NEK11: variants seen among roughly 807,000 people sequenced by gnomAD.
NEK11 encodes serine/threonine-protein kinase Nek11.
NEK11 carries 72 observed loss-of-function variants against 80.7 expected under a neutral mutation model. That is an observed-to-expected ratio of 0.89 (90% CI 0.74 to 1.08). The LOEUF is 1.08. Among genes scored for constraint, NEK11 ranks in the 50% least tolerant of loss-of-function variants. NEK11 has a pLI of 0.00. For synonymous variants in NEK11, 251 were observed against 260.7 expected (o/e 0.96, Z 0.36); for missense variants, 764 against 763.6 (o/e 1.00, Z -0.01).
intron 14 of NEK11, among the ~76,000 whole-genome samples, chr3:131,176,992 A>G (rs1348772791): frequency 1.3e-5 from 2 of 152,224 alleles, no homozygotes; most frequent in Admixed American, 6.5e-5. Context: ...ATAAGTATCA[A>G]TCATAGCTTT....
intron 9 of NEK11, among the ~76,000 whole-genome samples, chr3:131,154,478 C>T (rs1479001430): frequency 6.6e-6 from 1 of 152,114 alleles, no homozygotes; most frequent in Non-Finnish European, 1.5e-5. Flanking sequence ...TCCAGCAGGG[C>T]CAGGATTAGG....
intron 14 of NEK11, among the ~76,000 whole-genome samples, chr3:131,225,180 T>C (rs1432712708): frequency 6.6e-6 from 1 of 152,224 alleles, no homozygotes; most frequent in African/African-American, 2.4e-5. Context: ...TTTTATACTG[T>C]ATTTTTACTG....
chr3:131,169,071 C>A, intron 13 of NEK11, 134 bp downstream of exon 13: 1 of 559,074 alleles, frequency 1.8e-6, no homozygotes, highest in Non-Finnish European at 3.2e-6. Context: ...CAGGAAAAAG[C>A]TTCATTGAGC....
intron 17 of NEK11, among the ~76,000 whole-genome samples, chr3:131,343,631 A>G (rs1275994564): frequency 6.6e-6 from 1 of 152,178 alleles, no homozygotes; most frequent in Non-Finnish European, 1.5e-5. Flanking sequence ...AAACCTAGGA[A>G]GATGCTTCCA....
At chr3:131,130,731 A>G (rs2084281891) in intron 5 of NEK11, among the ~76,000 whole-genome samples, 3 of 152,246 alleles carry the variant, frequency 2.0e-5, no homozygotes, top group African/African-American at 7.2e-5. Context: ...TCAAGTGTTA[A>G]AGCAGCCTTG....
intron 4 of NEK11, among the ~76,000 whole-genome samples, chr3:131,100,129 T>C (rs2149257493): frequency 6.6e-6 from 1 of 152,358 alleles, no homozygotes; most frequent in South Asian, 2.1e-4. Flanking sequence ...TGAGGTATGT[T>C]CCTTTAATGC....
At chr3:131,218,738 G>A (rs1580385522) in intron 14 of NEK11, among the ~76,000 whole-genome samples, 1 of 152,146 alleles carries the variant, frequency 6.6e-6, no homozygotes, top group African/African-American at 2.4e-5. Flanking sequence ...TTCAATGATC[G>A]CCATTCTAAC....
At chr3:131,279,843 A>T (rs899506782) in intron 17 of NEK11, among the ~76,000 whole-genome samples, 7 of 152,158 alleles carry the variant, frequency 4.6e-5, no homozygotes, top group African/African-American at 1.7e-4. Context: ...TCTGGCATTA[A>T]AGTCACAGGC....
intron 15 of NEK11, among the ~76,000 whole-genome samples, chr3:131,239,814 T>TTTCATTCATTCATTCA (rs139825448): frequency 5.1e-4 from 78 of 151,966 alleles, no homozygotes; most frequent in African/African-American, 1.8e-3. Flanking sequence ...GCTAGGTAGC[T>TTTCATTCATTCATTCA]TTCATTCATT....
chr3:131,257,152 A>T (rs1486157356), intron 16 of NEK11, among the ~76,000 whole-genome samples: 1 of 143,642 alleles, frequency 7.0e-6, no homozygotes, highest in East Asian at 2.1e-4. Context: ...TGCCTGGCTA[A>T]TTTTTTTTTT....
chr3:131,242,359 C>T (rs1207507571), intron 15 of NEK11, among the ~76,000 whole-genome samples: 1 of 152,084 alleles, frequency 6.6e-6, no homozygotes, highest in Admixed American at 6.6e-5. Flanking sequence ...ATCTGGCTTC[C>T]CAGCACTTGG....
intron 17 of NEK11, among the ~76,000 whole-genome samples, chr3:131,342,880 A>G (rs950863851): frequency 2.6e-5 from 4 of 152,184 alleles, no homozygotes; most frequent in African/African-American, 9.7e-5. Flanking sequence ...TATACACAAT[A>G]GGAATTTTAT....
intron 10 of NEK11, among the ~76,000 whole-genome samples, chr3:131,161,198 G>A (rs981842298): frequency 6.6e-6 from 1 of 151,802 alleles, no homozygotes; most frequent in Non-Finnish European, 1.5e-5. Context: ...TGCTTGTGAG[G>A]TTGCAGAGAA....
intron 10 of NEK11, among the ~76,000 whole-genome samples, chr3:131,159,497 G>A (rs1457400805): frequency 1.3e-5 from 2 of 152,230 alleles, no homozygotes; most frequent in African/African-American, 4.8e-5. Flanking sequence ...CGGGCCCAGT[G>A]GCTCATGCCT....
intron 7 of NEK11, 51 bp from the exon 8 acceptor site, chr3:131,152,337 T>A (rs768998511): frequency 6.6e-7 from 1 of 1,519,190 alleles, no homozygotes; most frequent in Non-Finnish European, 8.9e-7. Context: ...GATGAAAAAA[T>A]TTAAAATAGG....
intron 4 of NEK11, among the ~76,000 whole-genome samples, chr3:131,086,887 A>C (rs1261702955): frequency 6.6e-6 from 1 of 152,196 alleles, no homozygotes; most frequent in African/African-American, 2.4e-5. Context: ...TAAGGTTTTA[A>C]ATAGTGGGAA....
intron 14 of NEK11, among the ~76,000 whole-genome samples, chr3:131,208,521 G>A (rs556378422): frequency 6.6e-6 from 1 of 152,284 alleles, no homozygotes; most frequent in Non-Finnish European, 1.5e-5. Flanking sequence ...GTAGCTTGAT[G>A]GGGATGGCAT....
At chr3:131,282,758 G>A (rs1483107709) in intron 17 of NEK11, among the ~76,000 whole-genome samples, 1 of 140,912 alleles carries the variant, frequency 7.1e-6, no homozygotes, top group Non-Finnish European at 1.5e-5. Context: ...GATCTTTATT[G>A]TCCTTCTTGT....
chr3:131,253,774 T>C (rs1391391027), intron 16 of NEK11, among the ~76,000 whole-genome samples: 1 of 152,126 alleles, frequency 6.6e-6, no homozygotes, highest in African/African-American at 2.4e-5. Flanking sequence ...TGCTACAAAG[T>C]ATATTAACTT....
Sources: gnomAD v4.1 joint callset for allele counts (sites outside exome capture counted in the v4.1 genomes callset) on GRCh38, gnomAD v4.1.1 for gene constraint, MANE v1.5 for transcripts, NCBI Gene and HGNC (gene_info 2026-07-23, HGNC 2026-07-21) for gene names.